Variants in SEMA3E observed in about 807,000 individuals in gnomAD.
SEMA3E encodes semaphorin 3E, also known as semaphorin-3E.
Under a neutral mutation model 93.6 loss-of-function variants are expected in SEMA3E, and 49 were observed. That is an observed-to-expected ratio of 0.52 (90% CI 0.42 to 0.66). The LOEUF (loss-of-function observed/expected upper bound fraction) is 0.66, where lower values mean the gene tolerates loss of function less well. Ranked by LOEUF, SEMA3E falls within the 30% of genes least tolerant of loss-of-function variation. The pLI is 0.00. For missense variants in SEMA3E, 906 were observed against 964.8 expected (o/e 0.94, Z 0.81); for synonymous variants, 363 against 330.7 (o/e 1.10, Z -1.06).
chr7:83,471,929 G>A lies in SEMA3E; in HGVS notation c.277-2627C>T, dbSNP rs553387546. 2.6e-5 allele frequency among the ~76,000 whole-genome samples: 4 copies of A among 152,264 alleles called. No individual in the cohort carries two copies. The East Asian group carries it at 5.8e-4, about 22-fold the overall frequency. On this transcript the variant is annotated intron_variant, in intron 2 of 16. Coordinates refer to ENST00000643230, the MANE Select transcript of SEMA3E (RefSeq NM_012431.3). ...CTGAAAGTCAAACAGTATTTGCTAT[G>A]TTGTAATCCCATTCACCATTAGGCT...
chr7:83,409,359 G>A (rs573276212), intron 5 of SEMA3E, among the ~76,000 whole-genome samples: 14 of 152,270 alleles, frequency 9.2e-5, no homozygotes, highest in African/African-American at 3.4e-4. Flanking sequence ...AGTTTTACCA[G>A]AAGGATGTCC....
chr7:83,623,770 A>G (rs73177145), intron 1 of SEMA3E, among the ~76,000 whole-genome samples: 2,122 of 152,136 alleles, frequency 0.014, 24 homozygotes, highest in Middle Eastern at 0.024. Context: ...TTACATGTGC[A>G]TAATGTGCAG....
At chr7:83,374,496 G>T (rs79535192) in intron 16 of SEMA3E, among the ~76,000 whole-genome samples, 1 of 152,092 alleles carries the variant, frequency 6.6e-6, no homozygotes, top group African/African-American at 2.4e-5. Context: ...TGTCAAAGAT[G>T]TGATAGCAAG....
chr7:83,469,643 T>C (rs993915484), intron 2 of SEMA3E, among the ~76,000 whole-genome samples: 114 of 152,252 alleles, frequency 7.5e-4, no homozygotes, highest in African/African-American at 2.6e-3. Flanking sequence ...CAGTTTCTTG[T>C]GTTTTTACTA....
intron 10 of SEMA3E, among the ~76,000 whole-genome samples, chr7:83,401,615 T>G (rs2115623011): frequency 6.6e-6 from 1 of 152,234 alleles, no homozygotes; most frequent in East Asian, 1.9e-4. Context: ...AAAATATACT[T>G]TATGTCTTAC....
At chr7:83,469,128 C>T (rs981872069) in intron 3 of SEMA3E, 115 bp downstream of exon 3, 1 of 800,846 alleles carries the variant, frequency 1.2e-6, no homozygotes. Flanking sequence ...TCTTCATGAA[C>T]CAAATTGCAT....
rs375211355 is a variant in SEMA3E at position 83,367,763 on chromosome 7, G to A, written c.2151C>T (p.Ile717=). 5.6e-6 allele frequency: 9 copies of A among 1,613,974 alleles called. No individual in the cohort carries two copies. Among genetic ancestry groups the A allele is most frequent in the African/African-American group, 4.0e-5 (3 of 74,986 alleles). Residue 717 remains isoleucine, a synonymous_variant, in exon 17 of 17, where the codon ATC becomes ATT. Coordinates refer to ENST00000643230, the MANE Select transcript of SEMA3E (RefSeq NM_012431.3). ...KPWYKEFLQL[I]GYSNFQRVEE... Reference sequence around the variant, plus strand: ...CCACTCTCTGGAAGTTGCTATAACCGATCAGCTGCAAGAATTCCTTGTACC... The same window carrying A: ...CCACTCTCTGGAAGTTGCTATAACCAATCAGCTGCAAGAATTCCTTGTACC...
At chr7:83,589,291 A>G (rs1311260938) in intron 1 of SEMA3E, among the ~76,000 whole-genome samples, 1 of 152,120 alleles carries the variant, frequency 6.6e-6, no homozygotes, top group Non-Finnish European at 1.5e-5. Context: ...TTGTTTCTTC[A>G]GAGTGAGTTT....
At chr7:83,583,833 G>A (rs1180947280) in intron 1 of SEMA3E, among the ~76,000 whole-genome samples, 9 of 152,092 alleles carry the variant, frequency 5.9e-5, no homozygotes, top group Admixed American at 4.6e-4. Context: ...TTATGCCTGC[G>A]TGGTTGAGTT....
At position 83,386,498 on chromosome 7, in the gene SEMA3E, T is replaced by C. The variant is rs1787885608; in HGVS notation, c.1735+485A>G. The stretch of plus-strand genomic sequence containing the variant: ...TCAGTTACCACCACCCTATCACCTT[T>C]ATTGAACCACCAACCCCAGCCCTAA... On this transcript the variant is annotated intron_variant, in intron 15 of 16. Coordinates refer to ENST00000643230, the MANE Select transcript of SEMA3E (RefSeq NM_012431.3). Among the ~76,000 whole-genome samples, 4 of 152,142 alleles carry C rather than the reference T, an allele frequency of 2.6e-5. No individual in the cohort carries two copies. The South Asian group carries it at 8.3e-4, about 32-fold the overall frequency.
intron 1 of SEMA3E, among the ~76,000 whole-genome samples, chr7:83,509,341 G>A (rs1562812572): frequency 6.6e-6 from 1 of 152,156 alleles, no homozygotes; most frequent in African/African-American, 2.4e-5. Flanking sequence ...AGTTTTCATA[G>A]TGTTGCCCTG....
chr7:83,477,841 G>C (rs1007589920), intron 2 of SEMA3E, among the ~76,000 whole-genome samples: 1 of 151,550 alleles, frequency 6.6e-6, no homozygotes, highest in Non-Finnish European at 1.5e-5. Context: ...GAATAAATGA[G>C]AAAGGCATAA....
At chr7:83,482,359 G>A (rs759565831) in intron 2 of SEMA3E, among the ~76,000 whole-genome samples, 5 of 152,006 alleles carry the variant, frequency 3.3e-5, no homozygotes, top group Non-Finnish European at 7.4e-5. Flanking sequence ...GAGGTCAGGA[G>A]ATTGAGACCA....
intron 16 of SEMA3E, among the ~76,000 whole-genome samples, chr7:83,384,099 G>C (rs970104575): frequency 2.6e-5 from 4 of 151,910 alleles, no homozygotes; most frequent in African/African-American, 9.7e-5. Flanking sequence ...TTAGGTTGAG[G>C]TGACTTTCTT....
chr7:83,379,344 A>G (rs1414629506), intron 16 of SEMA3E, among the ~76,000 whole-genome samples: 1 of 151,764 alleles, frequency 6.6e-6, no homozygotes, highest in East Asian at 1.9e-4. Flanking sequence ...AGTCACCACT[A>G]TGCAATGTAA....
At chr7:83,410,010 G>A (rs141513843) in intron 5 of SEMA3E, among the ~76,000 whole-genome samples, 3,061 of 151,534 alleles carry the variant, frequency 0.02, 49 homozygotes, top group Non-Finnish European at 0.031. Context: ...AGAATAATAT[G>A]ATATAAATTA....
chr7:83,457,537 T>G (rs1461896377), intron 4 of SEMA3E, among the ~76,000 whole-genome samples: 4 of 152,202 alleles, frequency 2.6e-5, no homozygotes, highest in Non-Finnish European at 4.4e-5. Flanking sequence ...AATGCTAAGT[T>G]ACAGAAACTC....
rs753858498 is a variant in SEMA3E, at chr7:83,392,685, G to C, written c.1537C>G (p.Gln513Glu). Residue 513 changes from glutamine (Q) to glutamate (E), a missense_variant, in exon 14 of 17, where the codon CAA becomes GAA. Transcript: ENST00000643230. Reference sequence around the variant, plus strand: ...ATGTCACAGTGATGGAATCTGACTTGAGCCACAGCAGAAGCAGATCCAATA... The same window carrying C: ...ATGTCACAGTGATGGAATCTGACTTCAGCCACAGCAGAAGCAGATCCAATA... ...LYIGSASAVA[Q>E]VRFHHCDMYG... 6.2e-7 allele frequency: 1 copy of C among 1,613,854 alleles called. No homozygotes were observed. Among genetic ancestry groups the C allele is most frequent in the South Asian group, 1.1e-5 (1 of 91,086 alleles).
At chr7:83,582,015 G>C (rs375874997) in intron 1 of SEMA3E, among the ~76,000 whole-genome samples, 1 of 151,928 alleles carries the variant, frequency 6.6e-6, no homozygotes, top group South Asian at 2.1e-4. Context: ...ATACTGAAGT[G>C]TTTAAGGCAG....
Sources: allele counts gnomAD v4.1 joint callset (sites outside exome capture counted in the v4.1 genomes callset), GRCh38; gene constraint gnomAD v4.1.1; transcripts MANE v1.5; gene names NCBI Gene and HGNC (gene_info 2026-07-23, HGNC 2026-07-21).